The following STKLD1 variants were observed in gnomAD, a reference collection of about 807,000 sequenced individuals.
STKLD1 encodes the protein serine/threonine kinase like domain containing 1.
In STKLD1, 79 loss-of-function variants were observed where a neutral mutation model predicts 80.4. That is an observed-to-expected ratio of 0.98 (90% CI 0.82 to 1.19). STKLD1 has a LOEUF of 1.19. Ranked by LOEUF, STKLD1 falls within the 50% of genes most tolerant of loss-of-function variation. The pLI, the probability that STKLD1 is intolerant of heterozygous loss-of-function variation, is 0.00. For synonymous variants in STKLD1, 393 were observed against 357.6 expected, an observed-to-expected ratio of 1.10 and a Z score of -1.12; for missense variants, 841 against 856.0, an observed-to-expected ratio of 0.98 and a Z score of 0.22.
chr9:133,403,807 T>C lies in STKLD1; in HGVS notation c.1582T>C (p.Phe528Leu), dbSNP rs782640154. Residue 528 changes from phenylalanine to leucine, a missense_variant, in exon 15 of 18, where the codon TTC becomes CTC. Transcript: ENST00000371957. ...AATGGCAGAAGCCAGCTGCGGAGTC[T>C]TCTGGCTGCTGTCCCTGCTGGGTGA... Reference protein sequence around the residue: ...GEMAEASCGVFWLLSLLGCIK... With the variant: ...GEMAEASCGVLWLLSLLGCIK... The C allele has an allele frequency of 5.0e-6, 8 of 1,613,496 alleles. No homozygotes were observed. Among genetic ancestry groups the C allele is most frequent in the Non-Finnish European group, 6.8e-6 (8 of 1,179,974 alleles).
At chr9:133,396,320 A>G (rs1461789380) in intron 9 of STKLD1, among the ~76,000 whole-genome samples, 1 of 152,174 alleles carries the variant, frequency 6.6e-6, no homozygotes, top group Non-Finnish European at 1.5e-5. Flanking sequence ...CTGTGTTCCC[A>G]GCTACTGGGG....
intron 11 of STKLD1, 23 bp from the exon 12 acceptor site, chr9:133,400,390 C>T (rs1297117294): frequency 6.3e-7 from 1 of 1,593,292 alleles, no homozygotes; most frequent in Admixed American, 1.7e-5. Flanking sequence ...AATGAGTCTC[C>T]CCTGTGCCGC....
At position 133,376,391 on chromosome 9, in the gene STKLD1, C is replaced by T; in HGVS notation, c.-83C>T. ...GAGTGCCTCGAGGGCGCCGTTCGGG[C>T]GGGGAGGATCCCGCGGGTCCCACTG... is the stretch of plus-strand genomic sequence containing the variant. On this transcript the variant is annotated 5_prime_UTR_variant, in exon 1 of 18. Coordinates refer to ENST00000371957, the MANE Select transcript of STKLD1 (RefSeq NM_153710.5). 6.9e-7 allele frequency: 1 copy of T among 1,440,694 alleles called. No individual in the cohort carries two copies. 89.2% of individuals were successfully genotyped at this position (1,440,694 alleles called of 1,614,324 possible).
chr9:133,405,047 C>G, intron 17 of STKLD1, 118 bp downstream of exon 17: 2 of 1,441,476 alleles, frequency 1.4e-6, no homozygotes, highest in Non-Finnish European at 1.9e-6. Flanking sequence ...ACTTCTCGGC[C>G]CACTTAAACT....
rs1554778132 is a variant in STKLD1 at position 133,403,732 on chromosome 9, G to A, written c.1507G>A (p.Val503Ile). 6.2e-7 allele frequency: 1 copy of A among 1,613,848 alleles called. No individual in the cohort carries two copies. The highest frequency in any genetic ancestry group is 2.2e-5 in the East Asian group (1 of 44,884). ...IIVNKAPLEK[V>I]PDLISQVLAT... ...TGTGAACAAGGCCCCCTTGGAGAAG[G>A]TCCCGGACCTCATCAGCCAGGTGTT... Residue 503 changes from valine to isoleucine, a missense_variant, in exon 15 of 18, where the codon GTC becomes ATC. Transcript: ENST00000371957.
At position 133,406,045 on chromosome 9, in the gene STKLD1, A is replaced by G. The variant is rs1554778687; in HGVS notation, c.*624A>G. ...CCATTCTAGATGAGAGTCAACACTG[A>G]GCCTCCACAGGCTCCATTCCAAGTA... On this transcript the variant is annotated 3_prime_UTR_variant, in exon 18 of 18. Coordinates refer to ENST00000371957, the MANE Select transcript of STKLD1 (RefSeq NM_153710.5). 6.6e-6 allele frequency: 1 copy of G among 152,180 alleles called. No homozygotes were observed. The highest frequency in any genetic ancestry group is 1.5e-5 in the Non-Finnish European group (1 of 68,064). The allele number at this position is 152,180 out of a possible 1,614,324, so 9.4% of individuals were successfully genotyped here.
intron 16 of STKLD1, 42 bp downstream of exon 16, chr9:133,404,090 G>A (rs782024691): frequency 2.6e-6 from 4 of 1,524,634 alleles, no homozygotes; most frequent in Non-Finnish European, 3.5e-6. Flanking sequence ...TAGAGGTGGG[G>A]GCAAGAATCA....
At position 133,395,754 on chromosome 9, in the gene STKLD1, T is replaced by A. The variant is rs781865830; in HGVS notation, c.857T>A (p.Ile286Lys). ...LMLQIDPSDRITIKDVVHITF... is the reference protein window; with the variant it reads ...LMLQIDPSDRKTIKDVVHITF... Reference sequence around the variant, plus strand: ...CTCCAGATCGACCCCTCGGATCGAATAACGATAAAGTGAGCTCAGGGTCGG... The same window carrying A: ...CTCCAGATCGACCCCTCGGATCGAAAAACGATAAAGTGAGCTCAGGGTCGG... Residue 286 changes from isoleucine (I) to lysine (K), a missense_variant, in exon 9 of 18, where the codon ATA becomes AAA. By Grantham distance (102) the Ile-to-Lys change is moderately radical. Coordinates refer to ENST00000371957, the MANE Select transcript of STKLD1 (RefSeq NM_153710.5). 6.2e-7 allele frequency: 1 copy of A among 1,613,440 alleles called. No homozygotes were observed. The highest frequency in any genetic ancestry group is 8.5e-7 in the Non-Finnish European group (1 of 1,179,996).
Position 133,397,167 on chromosome 9 carries a change from C to A in STKLD1, c.870C>A (p.Asp290Glu), listed in dbSNP as rs367622176. 2 of 1,613,926 alleles carry A rather than the reference C, an allele frequency of 1.2e-6. No individual in the cohort carries two copies. Among genetic ancestry groups the A allele is most frequent in the Admixed American group, 1.7e-5 (1 of 60,008 alleles). The change falls in exon 10 of 18, where the codon GAC (aspartate) becomes GAA (glutamate). Residue 290 changes from aspartate to glutamate, a missense_variant. Coordinates refer to ENST00000371957, the MANE Select transcript of STKLD1 (RefSeq NM_153710.5). ...IDPSDRITIK[D>E]VVHITFLRGS... ...GCCCTCTCTGCTCCTCTGCTAGGGACGTGGTGCACATCACCTTCTTGAGAG... is the reference window on the plus strand; with the variant it reads ...GCCCTCTCTGCTCCTCTGCTAGGGAAGTGGTGCACATCACCTTCTTGAGAG...
intron 11 of STKLD1, among the ~76,000 whole-genome samples, 153 bp from the exon 12 acceptor site, chr9:133,400,260 A>G (rs1267483715): frequency 2.0e-5 from 3 of 152,230 alleles, no homozygotes; most frequent in Non-Finnish European, 4.4e-5. Context: ...CATGCACTCC[A>G]TGGACCTAGC....
chr9:133,379,286 G>A lies in STKLD1; in HGVS notation c.174+164G>A, dbSNP rs2130260369. Among the ~76,000 whole-genome samples the A allele has an allele frequency of 1.9e-3, 296 of 152,280 alleles. 1 individual carries two copies. The highest frequency in any genetic ancestry group is 6.8e-3 in the African/African-American group (283 of 41,556). On this transcript the variant is annotated intron_variant, in intron 2 of 17. Coordinates refer to ENST00000371957, the MANE Select transcript of STKLD1 (RefSeq NM_153710.5). ...CTGGTTGGGGTAGATGTGGGGGTGCGTGAAGCTCTGTCACCTTGATGGGGA... is the reference window on the plus strand; with the variant it reads ...CTGGTTGGGGTAGATGTGGGGGTGCATGAAGCTCTGTCACCTTGATGGGGA...
chr9:133,403,083 G>A (rs924273157), intron 14 of STKLD1, 71 bp downstream of exon 14: 1 of 1,459,376 alleles, frequency 6.9e-7, no homozygotes, highest in Non-Finnish European at 9.2e-7. Context: ...AACTGCCCCT[G>A]AGAGCCTTCG....
intron 3 of STKLD1, 73 bp downstream of exon 3, chr9:133,383,973 G>A (rs1838209745): frequency 7.0e-7 from 1 of 1,420,362 alleles, no homozygotes; most frequent in African/African-American, 1.4e-5. Flanking sequence ...GTACCTTCTT[G>A]TTGAGTGCCT....
chr9:133,388,246 C>CTTG (rs2130282000), intron 5 of STKLD1, among the ~76,000 whole-genome samples: 4 of 151,944 alleles, frequency 2.6e-5, no homozygotes, highest in Non-Finnish European at 4.4e-5. Flanking sequence ...TTGTGTCAGT[C>CTTG]TTGTTGTTGT....
At chr9:133,404,637 G>A (rs1481487211) in intron 16 of STKLD1, 152 bp from the exon 17 acceptor site, 1 of 1,047,218 alleles carries the variant, frequency 9.5e-7, no homozygotes, top group Admixed American at 2.6e-5. Flanking sequence ...CCAGCCTACT[G>A]GTCCGCCCAA....
chr9:133,391,393 G>A (rs1838394446), intron 7 of STKLD1, among the ~76,000 whole-genome samples: 1 of 151,382 alleles, frequency 6.6e-6, no homozygotes, highest in African/African-American at 2.4e-5. Flanking sequence ...AACGGGCCAT[G>A]ATGGCAATGG....
rs1554777745 is a variant in STKLD1 at position 133,401,889 on chromosome 9, C to T, written c.1339+11C>T. The T allele has an allele frequency of 6.2e-7, 1 of 1,612,376 alleles. No homozygotes were observed. Among genetic ancestry groups the T allele is most frequent in the Non-Finnish European group, 8.5e-7 (1 of 1,179,812 alleles). ...TCACCACAACCCAGGGTGTGTCTGC[C>T]AGCCACCTCCTGCCCCACCCACGCT... On this transcript the variant is annotated intron_variant, in intron 13 of 17. Transcript: ENST00000371957.
intron 4 of STKLD1, among the ~76,000 whole-genome samples, chr9:133,387,220 T>C (rs1249309980): frequency 6.6e-6 from 1 of 152,038 alleles, no homozygotes; most frequent in African/African-American, 2.4e-5. Context: ...AAAGTCCAAG[T>C]AGCTTGGTGT....
At chr9:133,399,784 C>A (rs182141689) in intron 11 of STKLD1, among the ~76,000 whole-genome samples, 6 of 151,494 alleles carry the variant, frequency 4.0e-5, no homozygotes, top group Middle Eastern at 3.4e-3. Flanking sequence ...GAGGCTGAGG[C>A]AGGAGAATCG....
Sources: allele counts gnomAD v4.1 joint callset (sites outside exome capture counted in the v4.1 genomes callset), GRCh38; gene constraint gnomAD v4.1.1; transcripts MANE v1.5; gene names NCBI Gene and HGNC (gene_info 2026-07-23, HGNC 2026-07-21).